The following PIEZO2 variants were observed in gnomAD, a reference collection of about 807,000 sequenced individuals.
PIEZO2 encodes the protein piezo type mechanosensitive ion channel component 2, also known as piezo-type mechanosensitive ion channel component 2.
In PIEZO2, 172 loss-of-function variants were observed where a neutral mutation model predicts 337.3. The ratio of observed to expected loss-of-function variants is 0.51; its 90% CI spans 0.45 to 0.58. The LOEUF is 0.58. Among genes scored for constraint, PIEZO2 ranks in the 20% least tolerant of loss-of-function variants. PIEZO2 has a pLI of 0.00. For synonymous variants in PIEZO2, 1,251 were observed against 1,228.5 expected (o/e 1.02, Z -0.38); for missense variants, 3,028 against 3,391.3 (o/e 0.89, Z 2.66).
chr18:10,771,837 C>A (rs1250218994), intron 20 of PIEZO2, among the ~76,000 whole-genome samples: 1 of 152,202 alleles, frequency 6.6e-6, no homozygotes, highest in African/African-American at 2.4e-5. Context: ...TCCAGCAGGG[C>A]CATGCTGTCT....
chr18:10,771,405 A>G (rs2038599159), intron 20 of PIEZO2, among the ~76,000 whole-genome samples: 1 of 152,254 alleles, frequency 6.6e-6, no homozygotes, highest in South Asian at 2.1e-4. Context: ...TCATGCTTCT[A>G]TCTAGAAGGA....
chr18:11,139,464 G>T (rs2040580671), intron 1 of PIEZO2, among the ~76,000 whole-genome samples: 1 of 152,056 alleles, frequency 6.6e-6, no homozygotes, highest in Non-Finnish European at 1.5e-5. Flanking sequence ...GCCCCTAATT[G>T]CCCAGTGATA....
At chr18:10,754,118 T>C (rs550027218) in intron 27 of PIEZO2, among the ~76,000 whole-genome samples, 31 of 152,370 alleles carry the variant, frequency 2.0e-4, no homozygotes, top group African/African-American at 7.2e-4. Flanking sequence ...CTTTACCAGC[T>C]CTGGCCTTCA....
chr18:11,089,238 C>G (rs1289080581), intron 1 of PIEZO2, among the ~76,000 whole-genome samples: 1 of 152,140 alleles, frequency 6.6e-6, no homozygotes, highest in African/African-American at 2.4e-5. Flanking sequence ...ATAACCACCC[C>G]CTAAGCTCTC....
In PIEZO2 at chr18:10,748,695, T is replaced by A; in HGVS notation, c.4265-65A>T. 1.4e-5 allele frequency: 19 copies of A among 1,366,268 alleles called. No individual in the cohort carries two copies. In the South Asian group the frequency reaches 2.8e-4, roughly 20 times the overall value. The allele number at this position is 1,366,268 out of a possible 1,614,324, so 84.6% of individuals were successfully genotyped here. On this transcript the variant is annotated intron_variant, in intron 29 of 55. Transcript: ENST00000674853. This position sits in a 1 kb window ranked among gnomAD's most constrained non-coding sequence, Gnocchi z 5.1. Reference sequence around the variant, plus strand: ...CCATTTTCATTGTAATTTTATAAAATCTGAGGTATGGTCAGGCTTGGGAAA... The same window carrying A: ...CCATTTTCATTGTAATTTTATAAAAACTGAGGTATGGTCAGGCTTGGGAAA...
intron 1 of PIEZO2, among the ~76,000 whole-genome samples, chr18:11,071,516 T>A (rs2038338556): frequency 6.6e-6 from 1 of 152,094 alleles, no homozygotes. Context: ...GGGGAGACAG[T>A]AGTGAACAAT....
chr18:10,896,060 CAA>C (rs11414260), intron 4 of PIEZO2, among the ~76,000 whole-genome samples: 17 of 119,458 alleles, frequency 1.4e-4, no homozygotes, highest in South Asian at 2.8e-4. Flanking sequence ...AATTTCATCT[CAA>C]AAAAAAAAAA....
intron 2 of PIEZO2, among the ~76,000 whole-genome samples, chr18:10,998,337 T>TAC (rs758306782): frequency 3.0e-5 from 4 of 134,998 alleles, no homozygotes; most frequent in African/African-American, 8.6e-5. Flanking sequence ...GATATTTGTT[T>TAC]ACACACACAC....
chr18:11,018,210 TGGTGGTG>T, intron 2 of PIEZO2, among the ~76,000 whole-genome samples: 1 of 141,226 alleles, frequency 7.1e-6, no homozygotes, highest in South Asian at 2.3e-4. Flanking sequence ...GTGGTGGTGG[TGGTGGTG>T]GTGGTGTGTG....
At position 10,677,445 on chromosome 18, in the gene PIEZO2, C is replaced by G. The variant is rs145354562; in HGVS notation, c.8081+302G>C. On this transcript the variant is annotated intron_variant, in intron 53 of 55. Coordinates refer to ENST00000674853, the MANE Select transcript of PIEZO2 (RefSeq NM_001378183.1). The surrounding 1 kb of genome is among the most constrained non-coding windows in gnomAD (Gnocchi z 4.1). ...GTTGGTCAGGCTGGTCTTGAACTCC[C>G]GACCTCAGGGGATCCACCTGTCTCA... 1.0e-3 allele frequency: 288 copies of G among 275,498 alleles called. 1 individual carries two copies. The highest frequency in any genetic ancestry group is 6.2e-3 in the African/African-American group (268 of 43,334). The allele number at this position is 275,498 out of a possible 1,614,324, so 17.1% of individuals were successfully genotyped here.
chr18:10,807,342 G>C, intron 7 of PIEZO2, 68 bp from the exon 8 acceptor site: 1 of 1,417,258 alleles, frequency 7.1e-7, no homozygotes, highest in Non-Finnish European at 9.4e-7. Flanking sequence ...TTGAATAAAA[G>C]TACTTTGTTT....
chr18:11,030,794 A>C (rs1300529794), intron 2 of PIEZO2, among the ~76,000 whole-genome samples: 1 of 152,196 alleles, frequency 6.6e-6, no homozygotes, highest in Non-Finnish European at 1.5e-5. Flanking sequence ...CTATAAAAAC[A>C]AGCACCTAGA....
intron 1 of PIEZO2, among the ~76,000 whole-genome samples, chr18:11,084,176 CAAAAAA>C (rs1161713844): frequency 0.058 from 3,773 of 64,754 alleles, 67 homozygotes; most frequent in South Asian, 0.13. Flanking sequence ...AACTCTGTCT[CAAAAAA>C]AAAAAAAAAA....
At position 11,109,331 on chromosome 18, in the gene PIEZO2, T is replaced by C. The variant is rs1041346874; in HGVS notation, c.64+39194A>G. 1.3e-5 allele frequency among the ~76,000 whole-genome samples: 2 copies of C among 152,184 alleles called. No individual in the cohort carries two copies. The highest frequency in any genetic ancestry group is 1.3e-4 in the Admixed American group (2 of 15,284). On this transcript the variant is annotated intron_variant, in intron 1 of 55. Coordinates refer to ENST00000674853, the MANE Select transcript of PIEZO2 (RefSeq NM_001378183.1). This position sits in a 1 kb window ranked among gnomAD's most constrained non-coding sequence, Gnocchi z 5.1. ...AATCTCTGTGCTATGAAAATCACTA[T>C]TACTGGGCATGTATTTTAATGGCCG...
intron 2 of PIEZO2, among the ~76,000 whole-genome samples, chr18:11,040,654 T>C (rs1350856811): frequency 6.6e-6 from 1 of 152,136 alleles, no homozygotes; most frequent in Non-Finnish European, 1.5e-5. Flanking sequence ...GTACCCAGAG[T>C]AGAGACGTCT....
chr18:10,836,328 T>A (rs1462656039), intron 7 of PIEZO2, among the ~76,000 whole-genome samples: 2 of 152,172 alleles, frequency 1.3e-5, no homozygotes, highest in East Asian at 3.8e-4. Context: ...GGCTTGTGGA[T>A]CTATTTCAAA....
chr18:10,932,394 A>AAAAAC lies in PIEZO2; in HGVS notation c.287-21171_287-21167dup, dbSNP rs113336527. On this transcript the variant is annotated intron_variant, in intron 3 of 55. Coordinates refer to ENST00000674853, the MANE Select transcript of PIEZO2 (RefSeq NM_001378183.1). ...CTGGGTGACAGAGGAAGACTGTCTC[A>AAAAAC]AAAACAAAACAAAACAAAAAACCCA... Among the ~76,000 whole-genome samples, 964 of 152,020 alleles carry AAAAAC rather than the reference A, an allele frequency of 6.3e-3. 10 individuals are homozygous for AAAAAC. Among genetic ancestry groups the AAAAAC allele is most frequent in the African/African-American group, 0.022 (910 of 41,454 alleles).
rs1428185766 is a variant in PIEZO2 at position 10,759,088 on chromosome 18, C to T, written c.3757+394G>A. On this transcript the variant is annotated intron_variant, in intron 26 of 55. Coordinates refer to ENST00000674853, the MANE Select transcript of PIEZO2 (RefSeq NM_001378183.1). The surrounding 1 kb of genome is among the most constrained non-coding windows in gnomAD (Gnocchi z 5.5). The stretch of plus-strand genomic sequence containing the variant: ...CTAAAATCTGGGAAGCATCTCCCAG[C>T]ATCCACTGTCCCATGTTCAGGGTTT... Among the ~76,000 whole-genome samples the T allele has an allele frequency of 1.3e-5, 2 of 152,172 alleles. No homozygotes were observed. The highest frequency in any genetic ancestry group is 4.8e-5 in the African/African-American group (2 of 41,446).
intron 1 of PIEZO2, among the ~76,000 whole-genome samples, chr18:11,071,182 ACCT>A (rs1310537156): frequency 1.3e-5 from 2 of 152,194 alleles, no homozygotes. Context: ...CCACATCCCA[ACCT>A]CCTTTCTTAA....
Sources: allele counts gnomAD v4.1 joint callset (sites outside exome capture counted in the v4.1 genomes callset), GRCh38; gene constraint gnomAD v4.1.1; non-coding constraint Gnocchi (gnomAD v3.1); transcripts MANE v1.5; gene names NCBI Gene and HGNC (gene_info 2026-07-23, HGNC 2026-07-21).